The following TLE1 variants were observed in gnomAD, a reference collection of about 807,000 sequenced individuals.
The protein encoded by TLE1 is transducin-like enhancer protein 1.
A neutral mutation model predicts 89.8 loss-of-function variants in TLE1; 21 were observed. That is an observed-to-expected ratio of 0.23 (90% CI 0.17 to 0.34). The LOEUF (loss-of-function observed/expected upper bound fraction) is 0.34. TLE1 is among the 10% of genes least tolerant of loss of function. The pLI is 1.00. For missense variants in TLE1, 795 were observed against 1,031.2 expected (o/e 0.77, Z 3.14); for synonymous variants, 447 against 407.6 (o/e 1.10, Z -1.16).
At chr9:81,585,690 G>C (rs781756463) in intron 17 of TLE1, 35 bp from the exon 18 acceptor site, 1 of 1,606,336 alleles carries the variant, frequency 6.2e-7, no homozygotes, top group Admixed American at 1.7e-5. Flanking sequence ...TCATTATTCC[G>C]CCTGATACAC....
chr9:81,587,892 T>C, intron 16 of TLE1, 64 bp from the exon 17 acceptor site: 1 of 792,638 alleles, frequency 1.3e-6, no homozygotes. Flanking sequence ...CACTGTTGTG[T>C]TGTTAGTTTT....
At chr9:81,644,504 A>G (rs569621400) in intron 6 of TLE1, among the ~76,000 whole-genome samples, 5 of 152,336 alleles carry the variant, frequency 3.3e-5, no homozygotes, top group African/African-American at 9.6e-5. Flanking sequence ...TGAGATGTCC[A>G]GAATAGGCAA....
chr9:81,681,701 C>G (rs1329784481), intron 4 of TLE1, among the ~76,000 whole-genome samples: 1 of 152,206 alleles, frequency 6.6e-6, no homozygotes, highest in African/African-American at 2.4e-5. Context: ...CTTGTTTCTT[C>G]TTAAACATAC....
intron 15 of TLE1, among the ~76,000 whole-genome samples, chr9:81,592,762 C>A (rs1230104027): frequency 2.0e-5 from 3 of 152,172 alleles, no homozygotes; most frequent in African/African-American, 7.2e-5. Context: ...AATACACATC[C>A]ATACATGAGG....
chr9:81,625,761 G>A (rs115266971), intron 8 of TLE1, among the ~76,000 whole-genome samples: 142 of 152,108 alleles, frequency 9.3e-4, no homozygotes, highest in African/African-American at 3.2e-3. Context: ...ACCTATTCAA[G>A]ACCAAGGTAG....
At chr9:81,597,989 A>G (rs928860454) in intron 14 of TLE1, among the ~76,000 whole-genome samples, 5 of 152,176 alleles carry the variant, frequency 3.3e-5, no homozygotes, top group African/African-American at 9.7e-5. Context: ...TTTCCTGGAA[A>G]TAGGAACTGC....
chr9:81,642,616 C>T (rs1263973047), intron 6 of TLE1, among the ~76,000 whole-genome samples: 2 of 152,016 alleles, frequency 1.3e-5, no homozygotes, highest in Admixed American at 1.3e-4. Context: ...ACTGCTTGAA[C>T]CCAAGAGATA....
intron 4 of TLE1, among the ~76,000 whole-genome samples, chr9:81,681,207 C>A (rs1414471062): frequency 6.6e-6 from 1 of 152,090 alleles, no homozygotes; most frequent in Non-Finnish European, 1.5e-5. Flanking sequence ...CAGAATATAT[C>A]ATCCTTCCTT....
chr9:81,616,215 T>G, intron 10 of TLE1, 81 bp from the exon 11 acceptor site: 1 of 1,519,030 alleles, frequency 6.6e-7, no homozygotes, highest in Non-Finnish European at 8.8e-7. Context: ...TTCTCTAAAT[T>G]TAAGGACAGA....
At chr9:81,687,008 C>T (rs572544876) in intron 2 of TLE1, among the ~76,000 whole-genome samples, 19 of 152,276 alleles carry the variant, frequency 1.2e-4, no homozygotes, top group African/African-American at 3.9e-4. Context: ...ATCGATTGAA[C>T]CAATGTTTCA....
At chr9:81,622,932 C>T (rs965578273) in intron 8 of TLE1, among the ~76,000 whole-genome samples, 20 of 152,152 alleles carry the variant, frequency 1.3e-4, no homozygotes, top group African/African-American at 4.6e-4. Context: ...CTAAAGTCTA[C>T]CCCACCAAAA....
At chr9:81,585,749 G>A (rs932701677) in intron 17 of TLE1, 94 bp from the exon 18 acceptor site, 1 of 1,481,964 alleles carries the variant, frequency 6.7e-7, no homozygotes, top group African/African-American at 1.4e-5. Context: ...GCAAGAATGG[G>A]GGGAAGTAAT....
intron 6 of TLE1, among the ~76,000 whole-genome samples, chr9:81,636,367 T>C (rs1427837669): frequency 7.0e-6 from 1 of 143,510 alleles, no homozygotes; most frequent in Admixed American, 7.5e-5. Context: ...GAAATGTGCT[T>C]GGAGAAGGAT....
intron 4 of TLE1, among the ~76,000 whole-genome samples, chr9:81,676,996 G>C (rs1832979253): frequency 6.6e-6 from 1 of 152,122 alleles, no homozygotes; most frequent in Non-Finnish European, 1.5e-5. Flanking sequence ...CAACACTTTG[G>C]GAGGCCAAAA....
intron 4 of TLE1, among the ~76,000 whole-genome samples, chr9:81,676,654 G>T (rs1425675276): frequency 6.6e-6 from 1 of 152,220 alleles, no homozygotes; most frequent in African/African-American, 2.4e-5. Context: ...GGACAAAGAG[G>T]TCATCACAGG....
At chr9:81,623,595 A>C (rs529163299) in intron 8 of TLE1, among the ~76,000 whole-genome samples, 1 of 148,054 alleles carries the variant, frequency 6.8e-6, no homozygotes, top group Non-Finnish European at 1.5e-5. Flanking sequence ...CCTGGCCAAC[A>C]TGGTGAAACC....
intron 14 of TLE1, among the ~76,000 whole-genome samples, chr9:81,606,178 G>A (rs1351285126): frequency 6.6e-6 from 1 of 152,224 alleles, no homozygotes; most frequent in African/African-American, 2.4e-5. Flanking sequence ...TGATGGGACT[G>A]TAAACTAGTT....
At chr9:81,667,270 A>C (rs1332733324) in intron 4 of TLE1, among the ~76,000 whole-genome samples, 1 of 151,384 alleles carries the variant, frequency 6.6e-6, no homozygotes, top group Non-Finnish European at 1.5e-5. Flanking sequence ...AGTGGTGCAC[A>C]CCTGTAATCC....
In TLE1 at chr9:81,688,347, G is replaced by A. The variant is rs1020924796; in HGVS notation, c.-107C>T. On this transcript the variant is annotated 5_prime_UTR_variant, in exon 1 of 20. Coordinates refer to ENST00000376499, the MANE Select transcript of TLE1 (RefSeq NM_005077.5). ...TTAAGCCGGAAAGCCAAGCAGAAGCGGGGAGCGCGCTGGCCACGCACGCGC... is the reference window on the plus strand; with the variant it reads ...TTAAGCCGGAAAGCCAAGCAGAAGCAGGGAGCGCGCTGGCCACGCACGCGC... The A allele has an allele frequency of 3.1e-6, 4 of 1,282,736 alleles. No homozygotes were observed. The highest frequency in any genetic ancestry group is 6.3e-5 in the East Asian group (2 of 31,702). The allele number at this position is 1,282,736 out of a possible 1,614,324, so 79.5% of individuals were successfully genotyped here.
Sources: allele counts gnomAD v4.1 joint callset (sites outside exome capture counted in the v4.1 genomes callset), GRCh38; gene constraint gnomAD v4.1.1; transcripts MANE v1.5; gene names NCBI Gene and HGNC (gene_info 2026-07-23, HGNC 2026-07-21).